PTCD1: variants seen among roughly 807,000 people sequenced by gnomAD.
PTCD1 encodes the protein pentatricopeptide repeat domain 1, also known as pentatricopeptide repeat-containing protein 1, mitochondrial.
In PTCD1, 50 loss-of-function variants were observed where a neutral mutation model predicts 53.4. The observed-to-expected ratio is 0.94, with a 90% confidence interval of 0.75 to 1.19. PTCD1 has a LOEUF of 1.19. Among genes scored for constraint, PTCD1 ranks in the 50% most tolerant of loss-of-function variants. The probability of loss-of-function intolerance (pLI) is 0.00; values close to 1 mark genes in which losing one functional copy is unlikely to be tolerated. For missense variants in PTCD1, 918 were observed against 904.8 expected, an observed-to-expected ratio of 1.01 and a Z score of -0.19; for synonymous variants, 413 against 394.8, an observed-to-expected ratio of 1.05 and a Z score of -0.55.
chr7:99,417,782 G>A lies in PTCD1; in HGVS notation c.*2185C>T. 6.5e-7 allele frequency: 1 copy of A among 1,529,212 alleles called. No individual in the cohort carries two copies. Among genetic ancestry groups the A allele is most frequent in the East Asian group, 2.5e-5 (1 of 40,614 alleles). 94.7% of individuals were successfully genotyped at this position (1,529,212 alleles called of 1,614,324 possible). On this transcript the variant is annotated 3_prime_UTR_variant, in exon 8 of 8. Coordinates refer to ENST00000292478, the MANE Select transcript of PTCD1 (RefSeq NM_015545.4). ...CATGTGAGGCAGCGTGTGGCTGTGT[G>A]TTTGTTAGGTCTGGGGTCAATCTCA...
chr7:99,434,697 CTT>C, intron 2 of PTCD1, 91 bp downstream of exon 2: 1 of 1,553,902 alleles, frequency 6.4e-7, no homozygotes, highest in African/African-American at 1.4e-5. Flanking sequence ...AGGCCCAAAA[CTT>C]AGAGGCTGGG....
chr7:99,434,861 AT>A lies in PTCD1; in HGVS notation c.381del (p.Lys127AsnfsTer20), dbSNP rs1312429773. 13 of 1,613,998 alleles carry A rather than the reference AT, an allele frequency of 8.1e-6. No individual in the cohort carries two copies. Among genetic ancestry groups the A allele is most frequent in the Non-Finnish European group, 1.1e-5 (13 of 1,180,038 alleles). ...GGGGTGTTTCTCCGGCCTCGCCATA[AT>A]TTGGGCTCCGGTTCCATTTGCTCAT... is the stretch of plus-strand genomic sequence containing the variant. ...RRDEQMEPEP[K>X]LWRGRRNTPY... On this transcript the variant is annotated frameshift_variant, in exon 2 of 8. Coordinates refer to ENST00000292478, the MANE Select transcript of PTCD1 (RefSeq NM_015545.4). LOFTEE classifies it high-confidence loss of function.
Position 99,429,096 on chromosome 7 carries a change from G to A in PTCD1, c.915+7C>T. ...CAGGGCAGGAAGGTGGGGTGGGAGG[G>A]ACATACCTGGAGGGCGTACCGGAAG... On this transcript the variant is annotated splice_region_variant and intron_variant, in intron 5 of 7. Transcript: ENST00000292478. The A allele has an allele frequency of 1.9e-6, 3 of 1,614,106 alleles. No homozygotes were observed. The highest frequency in any genetic ancestry group is 1.7e-6 in the Non-Finnish European group (2 of 1,179,994).
intron 2 of PTCD1, 104 bp from the exon 3 acceptor site, chr7:99,433,522 C>A: frequency 3.1e-6 from 5 of 1,596,126 alleles, no homozygotes; most frequent in Non-Finnish European, 4.3e-6. Context: ...TGGTGGAGAA[C>A]GGCGGCCCTG....
At chr7:99,433,142 A>G in intron 3 of PTCD1, 136 bp downstream of exon 3, 1 of 1,376,912 alleles carries the variant, frequency 7.3e-7, no homozygotes, top group Non-Finnish European at 1.0e-6. Flanking sequence ...CACAATCACC[A>G]CCATTTTAAG....
In PTCD1 at chr7:99,419,809, C is replaced by G; in HGVS notation, c.*158G>C. 7.8e-7 allele frequency: 1 copy of G among 1,285,178 alleles called. No homozygotes were observed. Among genetic ancestry groups the G allele is most frequent in the East Asian group, 2.4e-5 (1 of 41,252 alleles). The allele number at this position is 1,285,178 out of a possible 1,614,324, so 79.6% of individuals were successfully genotyped here. On this transcript the variant is annotated 3_prime_UTR_variant, in exon 8 of 8. Transcript: ENST00000292478. ...TTGGACCTGCTGGGAGCACAGGCAC[C>G]TTGGGCCTAGTGTGTGTCCTCACCA...
In PTCD1 at chr7:99,419,943, C is replaced by G; in HGVS notation, c.*24G>C. 6.2e-7 allele frequency: 1 copy of G among 1,613,928 alleles called. No individual in the cohort carries two copies. The highest frequency in any genetic ancestry group is 1.1e-5 in the South Asian group (1 of 91,056). ...CTCCCACAGAGCACTGGGGGCCGAG[C>G]ACATTGTTCCAGCTGTGCTCCCATC... On this transcript the variant is annotated 3_prime_UTR_variant, in exon 8 of 8. Transcript: ENST00000292478.
At chr7:99,432,429 C>T (rs1269064142) in intron 3 of PTCD1, among the ~76,000 whole-genome samples, 1 of 152,146 alleles carries the variant, frequency 6.6e-6, no homozygotes, top group Non-Finnish European at 1.5e-5. Context: ...AGCACAGCAC[C>T]CTTCCTTAAA....
Position 99,429,347 on chromosome 7 carries a change from T to A in PTCD1, c.814-143A>T, listed in dbSNP as rs55942015. ...AGTTTTGTGACCAGCCTGGGCAACA[T>A]AGCAAGACCCTGTCTCTAGGAAGCC... On this transcript the variant is annotated intron_variant, in intron 4 of 7. Transcript: ENST00000292478. 1,265 of 1,198,102 alleles carry A rather than the reference T, an allele frequency of 1.1e-3. 13 individuals are homozygous for A. In the African/African-American group the frequency reaches 0.017, roughly 16 times the overall value. The allele number at this position is 1,198,102 out of a possible 1,614,324, so 74.2% of individuals were successfully genotyped here.
At chr7:99,437,182 C>CA (rs1322003324) in intron 1 of PTCD1, among the ~76,000 whole-genome samples, 1 of 152,102 alleles carries the variant, frequency 6.6e-6, no homozygotes, top group Non-Finnish European at 1.5e-5. Context: ...GCATTAATTA[C>CA]AATACACAGA....
Position 99,416,844 on chromosome 7 carries a change from C to T in PTCD1, c.*3123G>A, listed in dbSNP as rs1252989997. On this transcript the variant is annotated 3_prime_UTR_variant, in exon 8 of 8. Coordinates refer to ENST00000292478, the MANE Select transcript of PTCD1 (RefSeq NM_015545.4). ...CAAGGGATCCTCTCACCTCAACCTC[C>T]TGAGTAGCTGTGACTACAGGTGTGC... 3 of 160,018 alleles carry T rather than the reference C, an allele frequency of 1.9e-5. No individual in the cohort carries two copies. Among genetic ancestry groups the T allele is most frequent in the Admixed American group, 5.9e-5 (1 of 17,008 alleles). The allele number at this position is 160,018 out of a possible 1,614,324, so 9.9% of individuals were successfully genotyped here. A position where few individuals can be genotyped will look rare whatever the true frequency, so the allele number is the denominator to read the frequency against.
Position 99,423,871 on chromosome 7 carries a change from G to T in PTCD1, c.1824C>A (p.Ser608Arg). 6.2e-7 allele frequency: 1 copy of T among 1,614,202 alleles called. No homozygotes were observed. Among genetic ancestry groups the T allele is most frequent in the Non-Finnish European group, 8.5e-7 (1 of 1,180,036 alleles). ...IRKLNYTYLI[S>R]ILKDMKQNRV... is the part of the protein sequence containing the mutation. ...TGTTCTGCTTCATGTCCTTCAAGAT[G>T]CTGATGAGATAGGTGTAGTTCAGCT... is the stretch of plus-strand genomic sequence containing the variant. Residue 608 changes from serine to arginine, a missense_variant, in exon 7 of 8, where the codon AGC becomes AGA. Coordinates refer to ENST00000292478, the MANE Select transcript of PTCD1 (RefSeq NM_015545.4).
Position 99,420,019 on chromosome 7 carries a change from T to TC in PTCD1, c.2050dup (p.Asp684GlyfsTer9). The TC allele has an allele frequency of 6.2e-7, 1 of 1,614,136 alleles. No homozygotes were observed. Among genetic ancestry groups the TC allele is most frequent in the Non-Finnish European group, 8.5e-7 (1 of 1,180,006 alleles). ...ATCAGCCTCCTTGCCGGTGTCCTGG[T>TC]CCCCCTGGGGCTTGGTCCGGAACTT... On this transcript the variant is annotated frameshift_variant, in exon 8 of 8. Coordinates refer to ENST00000292478, the MANE Select transcript of PTCD1 (RefSeq NM_015545.4). LOFTEE classifies it low-confidence loss of function (END_TRUNC).
rs1363525432 is a variant in PTCD1, at chr7:99,419,367, TCTCA to T, written c.*596_*599del. 17 of 1,612,500 alleles carry T rather than the reference TCTCA, an allele frequency of 1.1e-5. No individual in the cohort carries two copies. In the African/African-American group the frequency reaches 2.0e-4, roughly 19 times the overall value. Reference sequence around the variant, plus strand: ...GGGCGAGCGTGGCGCAGTGGCATCGTCTCACTGTCCTCCTCCGTTGCAGGGCCGC... The same window carrying T: ...GGGCGAGCGTGGCGCAGTGGCATCGTCTGTCCTCCTCCGTTGCAGGGCCGC... On this transcript the variant is annotated 3_prime_UTR_variant, in exon 8 of 8. Transcript: ENST00000292478.
At chr7:99,438,273 C>G (rs533088527) in intron 1 of PTCD1, among the ~76,000 whole-genome samples, 2 of 150,680 alleles carry the variant, frequency 1.3e-5, no homozygotes, top group African/African-American at 4.9e-5. Context: ...CCCGCCCCCC[C>G]AACCCCGCCG....
Position 99,419,200 on chromosome 7 carries a change from TCAA to T in PTCD1, c.*764_*766del, listed in dbSNP as rs1354311824. The T allele has an allele frequency of 8.3e-6, 5 of 605,268 alleles. No individual in the cohort carries two copies. Among genetic ancestry groups the T allele is most frequent in the East Asian group, 2.8e-5 (1 of 36,142 alleles). 37.5% of individuals were successfully genotyped at this position (605,268 alleles called of 1,614,324 possible). A position where few individuals can be genotyped will look rare whatever the true frequency, so the allele number is the denominator to read the frequency against. On this transcript the variant is annotated 3_prime_UTR_variant, in exon 8 of 8. Coordinates refer to ENST00000292478, the MANE Select transcript of PTCD1 (RefSeq NM_015545.4). ...TAGACATACAGATGTAACCTCGGTGTCAACAGCAGCTGGTTCTACCTTCATGAG... is the reference window on the plus strand; with the variant it reads ...TAGACATACAGATGTAACCTCGGTGTCAGCAGCTGGTTCTACCTTCATGAG...
rs773936765 is a variant in PTCD1 at position 99,417,444 on chromosome 7, G to C, written c.*2523C>G. On this transcript the variant is annotated 3_prime_UTR_variant, in exon 8 of 8. Coordinates refer to ENST00000292478, the MANE Select transcript of PTCD1 (RefSeq NM_015545.4). ...TTTTTGACAGAACTCTATGAATATTGTATTAAAGAAGGCTATGCAGACAAA... is the reference window on the plus strand; with the variant it reads ...TTTTTGACAGAACTCTATGAATATTCTATTAAAGAAGGCTATGCAGACAAA... 1 of 1,613,928 alleles carries C rather than the reference G, an allele frequency of 6.2e-7. No homozygotes were observed. The highest frequency in any genetic ancestry group is 1.3e-5 in the African/African-American group (1 of 75,028).
At chr7:99,432,979 T>C (rs780561174) in intron 3 of PTCD1, 2 of 469,652 alleles carry the variant, frequency 4.3e-6, no homozygotes, top group East Asian at 4.2e-5. Context: ...AGCCAAGGAG[T>C]TGGAGGCTGC....
At position 99,419,216 on chromosome 7, in the gene PTCD1, C is replaced by T. The variant is rs552639266; in HGVS notation, c.*751G>A. 11 of 642,250 alleles carry T rather than the reference C, an allele frequency of 1.7e-5. No individual in the cohort carries two copies. The East Asian group carries it at 2.7e-4, about 16-fold the overall frequency. The allele number at this position is 642,250 out of a possible 1,614,324, so 39.8% of individuals were successfully genotyped here. A position where few individuals can be genotyped will look rare whatever the true frequency, so the allele number is the denominator to read the frequency against. ...ACCTCGGTGTCAACAGCAGCTGGTT[C>T]TACCTTCATGAGGGAGCCAAATTTT... On this transcript the variant is annotated 3_prime_UTR_variant, in exon 8 of 8. Transcript: ENST00000292478.
Sources: allele counts gnomAD v4.1 joint callset (sites outside exome capture counted in the v4.1 genomes callset), GRCh38; gene constraint gnomAD v4.1.1; transcripts MANE v1.5; gene names NCBI Gene and HGNC (gene_info 2026-07-23, HGNC 2026-07-21).